CNTNAP2: variants seen among roughly 807,000 people sequenced by gnomAD.
CNTNAP2 encodes contactin-associated protein-like 2.
A neutral mutation model predicts 155.2 loss-of-function variants in CNTNAP2; 98 were observed. The observed-to-expected ratio is 0.63, with a 90% CI of 0.54 to 0.75. CNTNAP2 has a LOEUF of 0.75. Among genes scored for constraint, CNTNAP2 ranks in the 30% least tolerant of loss-of-function variants. The pLI, the probability that CNTNAP2 is intolerant of heterozygous loss-of-function variation, is 0.00. For synonymous variants in CNTNAP2, 651 were observed against 631.2 expected, an observed-to-expected ratio of 1.03 and a Z score of -0.47; for missense variants, 1,727 against 1,688.1, an observed-to-expected ratio of 1.02 and a Z score of -0.40.
chr7:147,079,490 T>A (rs1272089834), intron 4 of CNTNAP2, among the ~76,000 whole-genome samples: 4 of 152,022 alleles, frequency 2.6e-5, no homozygotes, highest in Non-Finnish European at 5.9e-5. Context: ...ATATACCTAA[T>A]GCTAAATGAC....
chr7:147,872,586 G>A (rs192606943), intron 13 of CNTNAP2, among the ~76,000 whole-genome samples: 1 of 152,098 alleles, frequency 6.6e-6, no homozygotes, highest in African/African-American at 2.4e-5. Flanking sequence ...TGGTGTTTTG[G>A]CCGTAACTTT....
At chr7:146,323,748 G>T (rs1801047454) in intron 1 of CNTNAP2, among the ~76,000 whole-genome samples, 1 of 152,064 alleles carries the variant, frequency 6.6e-6, no homozygotes, top group Admixed American at 6.6e-5. Context: ...AGAAAATCCT[G>T]AAGGAATAGC....
intron 3 of CNTNAP2, among the ~76,000 whole-genome samples, chr7:146,930,457 AC>A (rs1441208751): frequency 6.6e-6 from 1 of 152,200 alleles, no homozygotes; most frequent in Non-Finnish European, 1.5e-5. Flanking sequence ...ATGGAAAGGA[AC>A]AACTGGTACC....
At chr7:148,256,110 G>A (rs1362856095) in intron 20 of CNTNAP2, among the ~76,000 whole-genome samples, 4 of 152,124 alleles carry the variant, frequency 2.6e-5, no homozygotes, top group Non-Finnish European at 5.9e-5. Context: ...CGGCAAAGAT[G>A]GCACTTGTTA....
intron 10 of CNTNAP2, among the ~76,000 whole-genome samples, chr7:147,445,501 TGTTG>T (rs777251224): frequency 1.4e-3 from 213 of 152,294 alleles, no homozygotes; most frequent in Middle Eastern, 3.4e-3. Flanking sequence ...TCAGTTTCCT[TGTTG>T]GTTGTTGTGG....
intron 1 of CNTNAP2, among the ~76,000 whole-genome samples, chr7:146,414,117 AT>A (rs1175749243): frequency 1.3e-5 from 2 of 152,228 alleles, no homozygotes; most frequent in African/African-American, 2.4e-5. Flanking sequence ...GGGCAAACCT[AT>A]GCATCTATGT....
At chr7:147,977,740 T>C (rs1801454650) in intron 14 of CNTNAP2, 122 bp from the exon 15 acceptor site, 3 of 1,378,316 alleles carry the variant, frequency 2.2e-6, no homozygotes, top group Non-Finnish European at 2.0e-6. Flanking sequence ...ACTGTGGCTT[T>C]ACTTAGTAAA....
chr7:148,209,655 A>G (rs1156267705), intron 18 of CNTNAP2, among the ~76,000 whole-genome samples: 1 of 152,230 alleles, frequency 6.6e-6, no homozygotes, highest in Non-Finnish European at 1.5e-5. Context: ...AGCCTATTCA[A>G]TGGTCTACCT....
chr7:147,651,886 C>T (rs1295838226), intron 13 of CNTNAP2, among the ~76,000 whole-genome samples: 1 of 152,168 alleles, frequency 6.6e-6, no homozygotes, highest in East Asian at 1.9e-4. Flanking sequence ...ATACAAACAT[C>T]CTCTTTCTAC....
intron 1 of CNTNAP2, among the ~76,000 whole-genome samples, chr7:146,162,839 G>A (rs539837976): frequency 6.6e-6 from 1 of 152,316 alleles, no homozygotes; most frequent in Admixed American, 6.5e-5. Flanking sequence ...AAAAAAGGAT[G>A]AGTTCATGTC....
chr7:146,922,450 T>C (rs910980265), intron 3 of CNTNAP2, among the ~76,000 whole-genome samples: 2 of 152,170 alleles, frequency 1.3e-5, no homozygotes, highest in African/African-American at 2.4e-5. Flanking sequence ...AGGCAAGTCA[T>C]TTGAGTGAAC....
chr7:147,212,692 T>C (rs1365015283), intron 8 of CNTNAP2, among the ~76,000 whole-genome samples: 3 of 152,110 alleles, frequency 2.0e-5, no homozygotes, highest in Non-Finnish European at 4.4e-5. Flanking sequence ...GCATCACAAA[T>C]ATACCCATAC....
intron 22 of CNTNAP2, among the ~76,000 whole-genome samples, chr7:148,401,533 C>G (rs539717172): frequency 5.3e-5 from 8 of 152,088 alleles, no homozygotes; most frequent in Non-Finnish European, 1.2e-4. Context: ...CACCAAATAC[C>G]TTACCTTCGT....
At chr7:147,006,234 T>C (rs1352818587) in intron 3 of CNTNAP2, among the ~76,000 whole-genome samples, 1 of 152,004 alleles carries the variant, frequency 6.6e-6, no homozygotes, top group Non-Finnish European at 1.5e-5. Flanking sequence ...GGGTACTAGT[T>C]GGGAAAGTGG....
At chr7:146,830,028 AT>A (rs1208776748) in intron 2 of CNTNAP2, among the ~76,000 whole-genome samples, 1 of 151,972 alleles carries the variant, frequency 6.6e-6, no homozygotes, top group Non-Finnish European at 1.5e-5. Context: ...AAAAATGAAT[AT>A]TTTTGTTATA....
At chr7:147,247,490 A>G (rs981098546) in intron 8 of CNTNAP2, among the ~76,000 whole-genome samples, 9 of 152,172 alleles carry the variant, frequency 5.9e-5, no homozygotes, top group African/African-American at 2.2e-4. Flanking sequence ...ATTTGAAAAC[A>G]TCTTCTATGG....
At chr7:147,671,552 C>T (rs1245696901) in intron 13 of CNTNAP2, among the ~76,000 whole-genome samples, 1 of 152,104 alleles carries the variant, frequency 6.6e-6, no homozygotes, top group African/African-American at 2.4e-5. Flanking sequence ...TTTTGTTAGA[C>T]TTTATAATGA....
At chr7:147,695,560 G>A (rs1428551960) in intron 13 of CNTNAP2, among the ~76,000 whole-genome samples, 3 of 152,166 alleles carry the variant, frequency 2.0e-5, no homozygotes, top group Non-Finnish European at 2.9e-5. Flanking sequence ...AGCACTTTGG[G>A]AGGCCAAGGT....
At chr7:147,917,919 C>T (rs533860255) in intron 14 of CNTNAP2, among the ~76,000 whole-genome samples, 5 of 152,286 alleles carry the variant, frequency 3.3e-5, no homozygotes, top group South Asian at 4.1e-4. Context: ...TGTATTTTCT[C>T]ATCGCTGGTC....
Sources: gnomAD v4.1 joint callset for allele counts (sites outside exome capture counted in the v4.1 genomes callset) on GRCh38, gnomAD v4.1.1 for gene constraint, MANE v1.5 for transcripts, NCBI Gene and HGNC (gene_info 2026-07-23, HGNC 2026-07-21) for gene names.